FMN2: variants seen among roughly 807,000 people sequenced by gnomAD.
The protein encoded by FMN2 is formin-2.
FMN2 carries 51 observed loss-of-function variants against 142.3 expected under a neutral mutation model. The observed-to-expected ratio is 0.36, with a 90% confidence interval of 0.29 to 0.45. FMN2 has a LOEUF of 0.45. Ranked by LOEUF, FMN2 falls within the 20% of genes least tolerant of loss-of-function variation. The pLI, the probability that FMN2 is intolerant of heterozygous loss-of-function variation, is 1.00. For missense variants in FMN2, 1,936 were observed against 2,122.8 expected (o/e 0.91, Z 1.73); for synonymous variants, 882 against 869.8 (o/e 1.01, Z -0.25).
At chr1:240,239,682 A>C (rs1452742787) in intron 6 of FMN2, among the ~76,000 whole-genome samples, 1 of 152,250 alleles carries the variant, frequency 6.6e-6, no homozygotes, top group Non-Finnish European at 1.5e-5. Context: ...CAAGAAATCA[A>C]ATCTTGTCCC....
intron 8 of FMN2, among the ~76,000 whole-genome samples, chr1:240,309,356 G>A (rs973912026): frequency 6.6e-6 from 1 of 152,134 alleles, no homozygotes; most frequent in African/African-American, 2.4e-5. Flanking sequence ...TCTAGCTAGT[G>A]GGCAGGCATG....
At chr1:240,388,515 T>G (rs1385232980) in intron 14 of FMN2, among the ~76,000 whole-genome samples, 1 of 151,990 alleles carries the variant, frequency 6.6e-6, no homozygotes. Context: ...GTAGCTTTTA[T>G]GGTCCGAGGT....
At chr1:240,450,557 G>A (rs965816826) in intron 16 of FMN2, among the ~76,000 whole-genome samples, 7 of 152,048 alleles carry the variant, frequency 4.6e-5, no homozygotes, top group Admixed American at 1.3e-4. Flanking sequence ...TCTCCCACCC[G>A]GCCCCAGCCA....
Position 240,092,905 on chromosome 1 carries a change from A to T in FMN2, c.796A>T (p.Ser266Cys), listed in dbSNP as rs1661044623. The T allele has an allele frequency of 6.7e-7, 1 of 1,499,922 alleles. No individual in the cohort carries two copies. Among genetic ancestry groups the T allele is most frequent in the Non-Finnish European group, 8.8e-7 (1 of 1,132,628 alleles). The allele number at this position is 1,499,922 out of a possible 1,614,324, so 92.9% of individuals were successfully genotyped here. ...PSGGAGEAPG[S>C]PDTEQALSAL... ...CGGCGGGGCTGGGGAGGCCCCGGGC[A>T]GTCCGGACACCGAGCAGGCGCTGTC... is the stretch of plus-strand genomic sequence containing the variant. The change falls in exon 1 of 18, where the codon AGT becomes TGT. Residue 266 changes from serine (S) to cysteine (C), a missense_variant. Ser to Cys is a moderately radical substitution (Grantham distance 112, BLOSUM62 -1). Around this residue, in one of 8 missense-constraint regions of FMN2, gnomAD observed 751 missense variants for 791.8 expected, o/e 0.95. Transcript: ENST00000319653.
intron 4 of FMN2, 118 bp downstream of exon 4, chr1:240,188,380 C>T (rs1665569681): frequency 1.0e-6 from 1 of 992,034 alleles, no homozygotes. Context: ...CTTGTTTTCC[C>T]TAAGCCTGCA....
At chr1:240,460,596 A>G (rs1676416560) in intron 16 of FMN2, among the ~76,000 whole-genome samples, 1 of 152,218 alleles carries the variant, frequency 6.6e-6, no homozygotes, top group Non-Finnish European at 1.5e-5. Flanking sequence ...AAAAGACTCG[A>G]ACGATTGTAA....
intron 16 of FMN2, among the ~76,000 whole-genome samples, chr1:240,453,055 C>A (rs1676112883): frequency 6.6e-6 from 1 of 152,106 alleles, no homozygotes. Flanking sequence ...GAACCTGTTT[C>A]CCCATTTGTA....
chr1:240,189,768 G>T (rs1033350521), intron 4 of FMN2, among the ~76,000 whole-genome samples: 4 of 152,182 alleles, frequency 2.6e-5, no homozygotes, highest in Non-Finnish European at 5.9e-5. Flanking sequence ...TATCTGCAAT[G>T]ATTAGCCCAC....
chr1:240,144,628 A>T, intron 2 of FMN2: 1 of 1,288,576 alleles, frequency 7.8e-7, no homozygotes. Flanking sequence ...CCAGGGCACA[A>T]CGCAGTAGGA....
chr1:240,187,365 G>T (rs1368368843), intron 3 of FMN2, among the ~76,000 whole-genome samples: 3 of 151,808 alleles, frequency 2.0e-5, no homozygotes, highest in Non-Finnish European at 4.4e-5. Flanking sequence ...ATGCCAGTCA[G>T]GGGTGCAACG....
At position 240,343,566 on chromosome 1, in the gene FMN2, G is replaced by C. The variant is rs549866348; in HGVS notation, c.4765+9337G>C. Among the ~76,000 whole-genome samples, 3 of 152,254 alleles carry C rather than the reference G, an allele frequency of 2.0e-5. No individual in the cohort carries two copies. The South Asian group carries it at 6.2e-4, about 32-fold the overall frequency. Reference sequence around the variant, plus strand: ...TGATAAAATAGGAGCAGGGAGCAGAGTGGAAAGTGAGCCTGATTCTATCTA... The same window carrying C: ...TGATAAAATAGGAGCAGGGAGCAGACTGGAAAGTGAGCCTGATTCTATCTA... On this transcript the variant is annotated intron_variant, in intron 13 of 17. Coordinates refer to ENST00000319653, the MANE Select transcript of FMN2 (RefSeq NM_020066.5).
chr1:240,358,593 G>T (rs1470492604), intron 14 of FMN2, among the ~76,000 whole-genome samples: 1 of 149,192 alleles, frequency 6.7e-6, no homozygotes, highest in Non-Finnish European at 1.5e-5. Context: ...AGAAGGCGAA[G>T]GGGAAGCAAG....
intron 6 of FMN2, among the ~76,000 whole-genome samples, chr1:240,241,995 G>A (rs888300813): frequency 2.0e-5 from 3 of 151,866 alleles, no homozygotes; most frequent in Non-Finnish European, 2.9e-5. Context: ...ACAGGTGCCC[G>A]CCACCACGCC....
intron 15 of FMN2, among the ~76,000 whole-genome samples, chr1:240,407,168 C>T (rs1020026342): frequency 6.6e-5 from 10 of 150,770 alleles, no homozygotes; most frequent in South Asian, 2.1e-4. Flanking sequence ...GACCAAGTCT[C>T]GCTCTGTAGC....
At chr1:240,193,347 CAGTT>C (rs899388700) in intron 4 of FMN2, among the ~76,000 whole-genome samples, 4 of 152,128 alleles carry the variant, frequency 2.6e-5, no homozygotes, top group Non-Finnish European at 4.4e-5. Context: ...AAGAAGCAGA[CAGTT>C]AGAAGAACAT....
chr1:240,291,923 T>A (rs987505172), intron 7 of FMN2, among the ~76,000 whole-genome samples: 2 of 152,212 alleles, frequency 1.3e-5, no homozygotes, highest in Non-Finnish European at 2.9e-5. Flanking sequence ...ACCCTTTTAC[T>A]TGTTATTGCC....
At chr1:240,365,124 T>C (rs1228983384) in intron 14 of FMN2, among the ~76,000 whole-genome samples, 1 of 152,034 alleles carries the variant, frequency 6.6e-6, no homozygotes, top group Admixed American at 6.6e-5. Flanking sequence ...TGGATAAGCA[T>C]GTATGTGCAT....
intron 14 of FMN2, among the ~76,000 whole-genome samples, chr1:240,386,138 G>C (rs1673398882): frequency 6.6e-6 from 1 of 152,118 alleles, no homozygotes; most frequent in South Asian, 2.1e-4. Context: ...TGACATGTAT[G>C]AACTACTTAA....
intron 3 of FMN2, among the ~76,000 whole-genome samples, chr1:240,184,236 C>CTTTTTTTTTTTTTTTTTTTTTTTTT (rs34050336): frequency 1.3e-5 from 1 of 79,436 alleles, no homozygotes; most frequent in African/African-American, 5.0e-5. Flanking sequence ...AATATTTAAC[C>CTTTTTTTTTTTTTTTTTTTTTTTTT]TTTTTTTTTT....
Sources: gnomAD v4.1 joint callset for allele counts (sites outside exome capture counted in the v4.1 genomes callset) on GRCh38, gnomAD v4.1.1 for gene constraint, gnomAD v4.1.1 regional missense constraint, MANE v1.5 for transcripts, NCBI Gene and HGNC (gene_info 2026-07-23, HGNC 2026-07-21) for gene names.